Variants in TOP6BL observed in about 807,000 individuals in gnomAD.
The protein encoded by TOP6BL is TOP6B like initiator of meiotic double strand breaks.
chr11:66,835,064 T>C, the TOP6BL span, among the ~76,000 whole-genome samples: 3 of 152,148 alleles, frequency 2.0e-5, no homozygotes, highest in Admixed American at 2.0e-4. Flanking sequence ...AAATGTCCCA[T>C]AGAATGTTAA....
the TOP6BL span, among the ~76,000 whole-genome samples, chr11:66,753,923 T>C: frequency 6.6e-6 from 1 of 152,084 alleles, no homozygotes; most frequent in African/African-American, 2.4e-5. Flanking sequence ...TAGGCTGGTC[T>C]CGAACTCCTG....
chr11:66,806,496 G>A, the TOP6BL span, among the ~76,000 whole-genome samples: 3 of 152,170 alleles, frequency 2.0e-5, no homozygotes, highest in East Asian at 1.9e-4. Context: ...GGCCGGACAC[G>A]GTGGCTCATG....
chr11:66,773,491 A>G, the TOP6BL span, among the ~76,000 whole-genome samples: 1 of 152,038 alleles, frequency 6.6e-6, no homozygotes, highest in East Asian at 1.9e-4. Flanking sequence ...ATCTCTAGCA[A>G]TATCCTCTTT....
the TOP6BL span, among the ~76,000 whole-genome samples, chr11:66,794,176 G>A: frequency 6.8e-6 from 1 of 147,064 alleles, no homozygotes; most frequent in Non-Finnish European, 1.5e-5. Flanking sequence ...TTCTATATTT[G>A]CATGTTTCTT....
the TOP6BL span, among the ~76,000 whole-genome samples, chr11:66,833,381 G>T: frequency 1.6e-3 from 242 of 152,142 alleles, no homozygotes; most frequent in Non-Finnish European, 2.8e-3. Flanking sequence ...CCTGTCTTGC[G>T]ATCTGGAATT....
At chr11:66,774,975 T>G in the TOP6BL span, among the ~76,000 whole-genome samples, 4 of 151,158 alleles carry the variant, frequency 2.6e-5, no homozygotes, top group Non-Finnish European at 5.9e-5. Flanking sequence ...TAGCCAGGCA[T>G]GGTGGCGGGC....
At chr11:66,796,450 G>A in the TOP6BL span, 10 of 988,904 alleles carry the variant, frequency 1.0e-5, no homozygotes, top group Non-Finnish European at 1.4e-5. Context: ...ATGGACAGAT[G>A]TGATTGGTTC....
chr11:66,788,471 T>C, the TOP6BL span, among the ~76,000 whole-genome samples: 84 of 152,318 alleles, frequency 5.5e-4, no homozygotes, highest in African/African-American at 1.9e-3. Context: ...CTCTGAGTGA[T>C]TGTGATTTAA....
At chr11:66,830,573 A>G in the TOP6BL span, among the ~76,000 whole-genome samples, 1 of 152,182 alleles carries the variant, frequency 6.6e-6, no homozygotes, top group African/African-American at 2.4e-5. Context: ...AACCAGAAAA[A>G]CAATGGAGAA....
the TOP6BL span, among the ~76,000 whole-genome samples, chr11:66,777,105 A>G: frequency 1.3e-5 from 2 of 148,686 alleles, no homozygotes; most frequent in Non-Finnish European, 3.0e-5. Flanking sequence ...CTATATCTAT[A>G]TATCTATATC....
chr11:66,777,079 A>ATATATATC, the TOP6BL span, among the ~76,000 whole-genome samples: 2 of 149,572 alleles, frequency 1.3e-5, no homozygotes, highest in Admixed American at 1.3e-4. Context: ...ATCTATATCT[A>ATATATATC]TATATATCTA....
chr11:66,745,133 C>T, the TOP6BL span, among the ~76,000 whole-genome samples: 1 of 152,120 alleles, frequency 6.6e-6, no homozygotes, highest in Non-Finnish European at 1.5e-5. Context: ...GACGCCCTCT[C>T]TCCAGCCTAC....
the TOP6BL span, among the ~76,000 whole-genome samples, chr11:66,810,127 AG>A: frequency 1.3e-5 from 2 of 152,230 alleles, no homozygotes; most frequent in Non-Finnish European, 2.9e-5. Flanking sequence ...AAACAGTGTT[AG>A]CTAGAAGAAA....
the TOP6BL span, among the ~76,000 whole-genome samples, chr11:66,789,715 T>C: frequency 3.8e-3 from 581 of 152,308 alleles, 2 homozygotes; most frequent in African/African-American, 0.012. Context: ...ATATATATTA[T>C]GTAAGCATCC....
the TOP6BL span, among the ~76,000 whole-genome samples, chr11:66,755,188 T>C: frequency 1.3e-5 from 2 of 151,788 alleles, no homozygotes; most frequent in African/African-American, 2.4e-5. Flanking sequence ...TGGTGTGATA[T>C]CAGCTCACTT....
chr11:66,805,907 A>T, the TOP6BL span, among the ~76,000 whole-genome samples: 1 of 152,214 alleles, frequency 6.6e-6, no homozygotes, highest in African/African-American at 2.4e-5. Context: ...AAAGCTATTT[A>T]AAAATATTTC....
At chr11:66,775,557 G>C in the TOP6BL span, among the ~76,000 whole-genome samples, 1 of 152,318 alleles carries the variant, frequency 6.6e-6, no homozygotes, top group Non-Finnish European at 1.5e-5. Flanking sequence ...GAGTCTATGT[G>C]TATTTTGCTG....
chr11:66,838,472 C>T, the TOP6BL span: 1 of 1,594,296 alleles, frequency 6.3e-7, no homozygotes, highest in Non-Finnish European at 8.6e-7. Context: ...TCAAGTGAGC[C>T]CTGGACTGCA....
the TOP6BL span, among the ~76,000 whole-genome samples, chr11:66,812,231 C>T: frequency 6.6e-6 from 1 of 150,906 alleles, no homozygotes; most frequent in African/African-American, 2.5e-5. Context: ...GGCTGGAGTG[C>T]AGTGGCGCAA....
Sources: gnomAD v4.1 joint callset for allele counts (sites outside exome capture counted in the v4.1 genomes callset) on GRCh38, gnomAD v4.1.1 for gene constraint, MANE v1.5 for transcripts, NCBI Gene and HGNC (gene_info 2026-07-23, HGNC 2026-07-21) for gene names.